SOX6: variants seen among roughly 807,000 people sequenced by gnomAD.
SOX6 encodes the protein SRY-box transcription factor 6.
A neutral mutation model predicts 97.8 loss-of-function variants in SOX6; 11 were observed. The observed-to-expected ratio is 0.11, with a 90% CI of 0.07 to 0.19. SOX6 has a LOEUF of 0.19. Among genes scored for constraint, SOX6 ranks in the 10% least tolerant of loss-of-function variants. SOX6 has a pLI of 1.00. For missense variants in SOX6, 810 were observed against 1,039.5 expected, an observed-to-expected ratio of 0.78 and a Z score of 3.04; for synonymous variants, 360 against 371.4, an observed-to-expected ratio of 0.97 and a Z score of 0.35.
At chr11:16,368,813 T>A (rs1477197892) in intron 1 of SOX6, among the ~76,000 whole-genome samples, 1 of 151,776 alleles carries the variant, frequency 6.6e-6, no homozygotes, top group African/African-American at 2.4e-5. Context: ...TGGGAGAAAA[T>A]TTTGCAAATC....
chr11:16,725,812 T>C (rs1383333245), intron 2 of SOX6, among the ~76,000 whole-genome samples: 3 of 152,220 alleles, frequency 2.0e-5, no homozygotes, highest in East Asian at 1.9e-4. Context: ...TTTTTATTTA[T>C]AGATGTTATA....
chr11:16,717,790 A>T (rs1383652530), intron 2 of SOX6, among the ~76,000 whole-genome samples: 1 of 152,080 alleles, frequency 6.6e-6, no homozygotes, highest in African/African-American at 2.4e-5. Context: ...CACAATTCAC[A>T]AAAATTCAAG....
intron 13 of SOX6, among the ~76,000 whole-genome samples, chr11:16,006,005 A>G (rs1252985222): frequency 1.3e-5 from 2 of 152,036 alleles, no homozygotes; most frequent in Admixed American, 1.3e-4. Context: ...AGGCAAAAGT[A>G]CAAGACTGAT....
At chr11:16,557,352 C>A (rs1191478807) in intron 4 of SOX6, among the ~76,000 whole-genome samples, 1 of 151,638 alleles carries the variant, frequency 6.6e-6, no homozygotes, top group East Asian at 1.9e-4. Flanking sequence ...TATCTCACAC[C>A]CTAAACTCCC....
intron 9 of SOX6, among the ~76,000 whole-genome samples, chr11:16,071,917 A>T (rs1848235087): frequency 6.6e-6 from 1 of 152,090 alleles, no homozygotes. Context: ...GATTAAAAAA[A>T]AAAAAAAGAA....
chr11:16,617,427 C>G (rs1848485645), intron 3 of SOX6, among the ~76,000 whole-genome samples: 1 of 151,804 alleles, frequency 6.6e-6, no homozygotes, highest in Non-Finnish European at 1.5e-5. Flanking sequence ...AACCTACTTT[C>G]AAAGTTGATG....
chr11:16,519,424 C>T (rs1206213267), intron 4 of SOX6, among the ~76,000 whole-genome samples: 2 of 152,030 alleles, frequency 1.3e-5, no homozygotes, highest in Non-Finnish European at 2.9e-5. Context: ...CATTTTGATC[C>T]TGATTATACA....
intron 13 of SOX6, among the ~76,000 whole-genome samples, chr11:15,990,530 G>C (rs1323373375): frequency 6.6e-6 from 1 of 151,742 alleles, no homozygotes; most frequent in Non-Finnish European, 1.5e-5. Flanking sequence ...TTGGCACATA[G>C]GATTTCAATT....
chr11:16,602,240 T>A (rs1180899085), intron 4 of SOX6, among the ~76,000 whole-genome samples: 1 of 152,032 alleles, frequency 6.6e-6, no homozygotes, highest in Admixed American at 6.5e-5. Context: ...CCACTATAAC[T>A]GAAGGAATAT....
chr11:16,075,820 A>G (rs983651877), intron 9 of SOX6, among the ~76,000 whole-genome samples: 2 of 152,188 alleles, frequency 1.3e-5, no homozygotes, highest in African/African-American at 4.8e-5. Context: ...AATAATAAAG[A>G]AATTCAAAAA....
At chr11:16,641,692 G>T (rs1392457581) in intron 3 of SOX6, among the ~76,000 whole-genome samples, 4 of 152,076 alleles carry the variant, frequency 2.6e-5, no homozygotes, top group Non-Finnish European at 5.9e-5. Flanking sequence ...ATCTTTGTTG[G>T]TTTAAAGTCT....
At chr11:16,676,437 T>C (rs150417812) in intron 3 of SOX6, among the ~76,000 whole-genome samples, 2,747 of 152,290 alleles carry the variant, frequency 0.018, 73 homozygotes, top group East Asian at 0.052. Context: ...AATTTCCTTT[T>C]CTCCTGTCCA....
At chr11:16,426,198 G>A (rs778421462) in intron 1 of SOX6, among the ~76,000 whole-genome samples, 2 of 134,090 alleles carry the variant, frequency 1.5e-5, no homozygotes, top group African/African-American at 2.8e-5. Flanking sequence ...AGAGCTTGCA[G>A]TGAGCTGAGA....
At chr11:16,685,180 G>T (rs1847959960) in intron 3 of SOX6, among the ~76,000 whole-genome samples, 1 of 151,956 alleles carries the variant, frequency 6.6e-6, no homozygotes, top group Non-Finnish European at 1.5e-5. Flanking sequence ...GCCCCTCAGA[G>T]CTCATGTTCT....
intron 1 of SOX6, among the ~76,000 whole-genome samples, chr11:16,430,302 A>G (rs1167611505): frequency 6.6e-6 from 1 of 152,186 alleles, no homozygotes; most frequent in Non-Finnish European, 1.5e-5. Context: ...ATTTGTTTAG[A>G]AAGACAGATA....
intron 2 of SOX6, among the ~76,000 whole-genome samples, chr11:16,333,851 G>A (rs914380828): frequency 6.6e-6 from 1 of 152,142 alleles, no homozygotes; most frequent in African/African-American, 2.4e-5. Context: ...TAGTTGACAG[G>A]AAAAGTCAAA....
At chr11:16,640,069 T>G (rs991944712) in intron 3 of SOX6, among the ~76,000 whole-genome samples, 2 of 152,198 alleles carry the variant, frequency 1.3e-5, no homozygotes, top group Non-Finnish European at 2.9e-5. Context: ...CTCTTATTAT[T>G]TTGAGATACG....
chr11:16,499,607 A>G (rs1373126276), intron 4 of SOX6, among the ~76,000 whole-genome samples: 1 of 152,214 alleles, frequency 6.6e-6, no homozygotes, highest in Non-Finnish European at 1.5e-5. Flanking sequence ...AATAGACGCA[A>G]TAAAAAACGA....
chr11:16,261,860 T>C (rs535021263), intron 3 of SOX6, among the ~76,000 whole-genome samples: 12 of 152,118 alleles, frequency 7.9e-5, no homozygotes, highest in Non-Finnish European at 1.6e-4. Flanking sequence ...GCTGAAAGTA[T>C]GCTTTTGAAA....
Sources: allele counts gnomAD v4.1 joint callset (sites outside exome capture counted in the v4.1 genomes callset), GRCh38; gene constraint gnomAD v4.1.1; transcripts MANE v1.5; gene names NCBI Gene and HGNC (gene_info 2026-07-23, HGNC 2026-07-21).